Variants in BCAS3 observed in about 807,000 individuals in gnomAD.
The protein encoded by BCAS3 is BCAS3 microtubule associated cell migration factor.
Under a neutral mutation model 116.1 loss-of-function variants are expected in BCAS3, and 53 were observed. That is an observed-to-expected ratio of 0.46 (90% CI 0.37 to 0.57). The LOEUF (loss-of-function observed/expected upper bound fraction) is 0.57. Ranked by LOEUF, BCAS3 falls within the 20% of genes least tolerant of loss-of-function variation. BCAS3 has a pLI of 0.00. For missense variants in BCAS3, 917 were observed against 1,165.4 expected, an observed-to-expected ratio of 0.79 and a Z score of 3.10; for synonymous variants, 391 against 408.2, an observed-to-expected ratio of 0.96 and a Z score of 0.51.
intron 22 of BCAS3, among the ~76,000 whole-genome samples, chr17:61,103,816 T>C (rs1288036733): frequency 5.3e-5 from 8 of 152,198 alleles, no homozygotes; most frequent in Non-Finnish European, 2.9e-5. Flanking sequence ...ATGCAGAAAA[T>C]GTTACTATTT....
chr17:61,153,121 T>C (rs1345987994), intron 22 of BCAS3, among the ~76,000 whole-genome samples: 3 of 152,204 alleles, frequency 2.0e-5, no homozygotes, highest in Non-Finnish European at 4.4e-5. Flanking sequence ...AGAAGTGGCC[T>C]TTTCCTGCCT....
chr17:60,732,694 C>T (rs927988154), intron 5 of BCAS3, among the ~76,000 whole-genome samples: 30 of 152,218 alleles, frequency 2.0e-4, no homozygotes, highest in African/African-American at 7.2e-4. Flanking sequence ...CAAAAATTAG[C>T]TGGGCGTGGT....
At chr17:61,116,372 T>G (rs546473033) in intron 22 of BCAS3, among the ~76,000 whole-genome samples, 1 of 152,328 alleles carries the variant, frequency 6.6e-6, no homozygotes, top group African/African-American at 2.4e-5. Context: ...TCTACTGGTA[T>G]CACTATTTCA....
In BCAS3 at chr17:61,051,995, A is replaced by G. The variant is rs1011308703; in HGVS notation, c.2029+11103A>G. On this transcript the variant is annotated intron_variant, in intron 19 of 23. Coordinates refer to ENST00000407086, the MANE Select transcript of BCAS3 (RefSeq NM_017679.5). This position sits in a 1 kb window ranked among gnomAD's most constrained non-coding sequence, Gnocchi z 4.1. ...GAGTATAAAATCAGTGAAACAGAAA[A>G]CATAAAAACAATAGAGAAAAAGCAA... Among the ~76,000 whole-genome samples the G allele has an allele frequency of 1.3e-5, 2 of 152,154 alleles. No individual in the cohort carries two copies. Among genetic ancestry groups the G allele is most frequent in the African/African-American group, 4.8e-5 (2 of 41,440 alleles).
intron 12 of BCAS3, among the ~76,000 whole-genome samples, chr17:60,919,558 C>T (rs552604827): frequency 3.3e-4 from 50 of 152,224 alleles, no homozygotes; most frequent in African/African-American, 1.1e-3. Context: ...CTCTTGAGCT[C>T]GTGATCTACC....
Position 60,902,656 on chromosome 17 carries a change from G to A in BCAS3, c.775G>A (p.Gly259Arg). 1 of 1,613,202 alleles carries A rather than the reference G, an allele frequency of 6.2e-7. No individual in the cohort carries two copies. Among genetic ancestry groups the A allele is most frequent in the Non-Finnish European group, 8.5e-7 (1 of 1,179,198 alleles). ...TCATCAGTCCCGTGGTGGAGCCTGT[G>A]GAGACAACATTCAGTCTTATACTGC... The part of the protein sequence containing the change: ...RCHQSRGGAC[G>R]DNIQSYTATV... The change falls in exon 11 of 24, where the codon GGA (glycine) becomes AGA (arginine). Residue 259 changes from glycine to arginine, a missense_variant. Physicochemically the swap from Gly to Arg is moderately radical, Grantham distance 125. Around this residue, in one of 3 missense-constraint regions of BCAS3, gnomAD observed 807 missense variants for 1,026.0 expected, o/e 0.79. Coordinates refer to ENST00000407086, the MANE Select transcript of BCAS3 (RefSeq NM_017679.5).
At chr17:60,853,280 T>C (rs1568382766) in intron 7 of BCAS3, among the ~76,000 whole-genome samples, 1 of 152,260 alleles carries the variant, frequency 6.6e-6, no homozygotes, top group Non-Finnish European at 1.5e-5. Context: ...TTTTGATTAG[T>C]TCTCCTTTTA....
chr17:60,871,293 A>G (rs1443731561), intron 8 of BCAS3, among the ~76,000 whole-genome samples: 2 of 152,142 alleles, frequency 1.3e-5, no homozygotes, highest in East Asian at 1.9e-4. Context: ...GCCTCCCTGT[A>G]GCTGGAACTG....
rs1600118117 is a variant in BCAS3, at chr17:60,972,815, T to G, written c.1222-17156T>G. 2.6e-5 allele frequency among the ~76,000 whole-genome samples: 4 copies of G among 152,346 alleles called. No homozygotes were observed. The South Asian group carries it at 8.3e-4, about 32-fold the overall frequency. On this transcript the variant is annotated intron_variant, in intron 14 of 23. Transcript: ENST00000407086. ...AAATGTTGAAGTACATGGCTGGGAA[T>G]GTTTCTAGAACTTGTATTTTAATTC...
chr17:61,273,237 T>C (rs938245360), intron 22 of BCAS3, among the ~76,000 whole-genome samples: 12 of 151,946 alleles, frequency 7.9e-5, no homozygotes, highest in African/African-American at 2.7e-4. Context: ...GTCCCCCAAG[T>C]AGCTGGGACT....
At chr17:60,905,589 G>T (rs539776200) in intron 11 of BCAS3, among the ~76,000 whole-genome samples, 3 of 152,188 alleles carry the variant, frequency 2.0e-5, no homozygotes, top group Non-Finnish European at 1.5e-5. Flanking sequence ...GTTTCTGCTC[G>T]TTCTCATTTA....
At chr17:60,863,612 A>G (rs2054341353) in intron 7 of BCAS3, among the ~76,000 whole-genome samples, 1 of 152,000 alleles carries the variant, frequency 6.6e-6, no homozygotes, top group African/African-American at 2.4e-5. Flanking sequence ...AAATTAGCTG[A>G]ATATGGTGGT....
Position 61,162,895 on chromosome 17 carries a change from C to A in BCAS3, c.2425+78331C>A, listed in dbSNP as rs908368168. On this transcript the variant is annotated intron_variant, in intron 22 of 23. Transcript: ENST00000407086. This position sits in a 1 kb window ranked among gnomAD's most constrained non-coding sequence, Gnocchi z 5.6. Reference sequence around the variant, plus strand: ...ACCAACATGACGTTAGAGCTTTTTACTTAATAAATTATATACATATATATC... The same window carrying A: ...ACCAACATGACGTTAGAGCTTTTTAATTAATAAATTATATACATATATATC... 7.2e-5 allele frequency among the ~76,000 whole-genome samples: 11 copies of A among 152,174 alleles called. No individual in the cohort carries two copies. Among genetic ancestry groups the A allele is most frequent in the African/African-American group, 2.7e-4 (11 of 41,440 alleles).
chr17:61,096,684 T>G (rs953204170), intron 22 of BCAS3, among the ~76,000 whole-genome samples: 1 of 152,276 alleles, frequency 6.6e-6, no homozygotes, highest in Non-Finnish European at 1.5e-5. Flanking sequence ...TTATTTCTTT[T>G]TAATCTTTAT....
chr17:61,214,102 TCA>T lies in BCAS3; in HGVS notation c.2425+129542_2425+129543del, dbSNP rs561656318. Among the ~76,000 whole-genome samples the T allele has an allele frequency of 2.0e-3, 300 of 152,240 alleles. 3 individuals carry two copies. The highest frequency in any genetic ancestry group is 4.8e-3 in the Admixed American group (73 of 15,288). On this transcript the variant is annotated intron_variant, in intron 22 of 23. Coordinates refer to ENST00000407086, the MANE Select transcript of BCAS3 (RefSeq NM_017679.5). This position sits in a 1 kb window ranked among gnomAD's most constrained non-coding sequence, Gnocchi z 4.4. ...ATAGGAATAGGCCATTCGTGGTGGC[TCA>T]CACCTGTAATCCCAGCATTTTGGGA...
rs10573405 is a variant in BCAS3, at chr17:60,850,345, GTTTTTTTTTT to G, written c.477-18211_477-18202del. ...CCTCCCCCTAACTCCTGGCACCACT[GTTTTTTTTTT>G]TTTTTTTTTTTTTTTTTTTGAGATG... is the stretch of plus-strand genomic sequence containing the variant. On this transcript the variant is annotated intron_variant, in intron 7 of 23. Coordinates refer to ENST00000407086, the MANE Select transcript of BCAS3 (RefSeq NM_017679.5). Among the ~76,000 whole-genome samples, 19 of 37,730 alleles carry G rather than the reference GTTTTTTTTTT, an allele frequency of 5.0e-4. No homozygotes were observed. The South Asian group carries it at 8.2e-3, about 16-fold the overall frequency. The allele number at this position is 37,730 out of a possible 152,430, so 24.8% of individuals were successfully genotyped here.
intron 22 of BCAS3, among the ~76,000 whole-genome samples, chr17:61,289,088 A>G (rs2052124381): frequency 6.6e-6 from 1 of 152,228 alleles, no homozygotes; most frequent in Non-Finnish European, 1.5e-5. Flanking sequence ...ACTTGTTGGA[A>G]CAACTTGTTT....
In BCAS3 at chr17:61,259,595, G is replaced by T. The variant is rs1423602216; in HGVS notation, c.2426-108732G>T. On this transcript the variant is annotated intron_variant, in intron 22 of 23. Transcript: ENST00000407086. The surrounding 1 kb of genome is among the most constrained non-coding windows in gnomAD (Gnocchi z 4.7). ...GAAGAATTTTAATGAAGCCATTTAAGTGTTCCAGCCACTGGAGCTGGTTCT... is the reference window on the plus strand; with the variant it reads ...GAAGAATTTTAATGAAGCCATTTAATTGTTCCAGCCACTGGAGCTGGTTCT... 6.6e-6 allele frequency among the ~76,000 whole-genome samples: 1 copy of T among 152,200 alleles called. No homozygotes were observed. The highest frequency in any genetic ancestry group is 1.5e-5 in the Non-Finnish European group (1 of 68,046).
At chr17:60,940,552 C>T (rs558402798) in intron 13 of BCAS3, among the ~76,000 whole-genome samples, 1 of 152,260 alleles carries the variant, frequency 6.6e-6, no homozygotes, top group Admixed American at 6.5e-5. Context: ...TTAACGCTTT[C>T]TTTCAGTACT....
Sources: allele counts gnomAD v4.1 joint callset (sites outside exome capture counted in the v4.1 genomes callset), GRCh38; gene constraint gnomAD v4.1.1; regional missense constraint gnomAD v4.1.1; non-coding constraint Gnocchi (gnomAD v3.1); transcripts MANE v1.5; gene names NCBI Gene and HGNC (gene_info 2026-07-23, HGNC 2026-07-21).